The following SLIT3 variants were observed in gnomAD, a reference collection of about 807,000 sequenced individuals.
The protein encoded by SLIT3 is slit guidance ligand 3.
SLIT3 carries 68 observed loss-of-function variants against 184.0 expected under a neutral mutation model. The ratio of observed to expected loss-of-function variants is 0.37; its 90% CI spans 0.30 to 0.45. The LOEUF is 0.45. SLIT3 is among the 20% of genes least tolerant of loss of function. The pLI, the probability that SLIT3 is intolerant of heterozygous loss-of-function variation, is 1.00. For missense variants in SLIT3, 1,707 were observed against 2,026.0 expected, an observed-to-expected ratio of 0.84 and a Z score of 3.02; for synonymous variants, 831 against 828.6, an observed-to-expected ratio of 1.00 and a Z score of -0.05.
intron 4 of SLIT3, among the ~76,000 whole-genome samples, chr5:169,095,223 C>T (rs1475277414): frequency 6.6e-6 from 1 of 152,210 alleles, no homozygotes; most frequent in Non-Finnish European, 1.5e-5. Flanking sequence ...AACTACTGAT[C>T]ATCCCGGGAA....
chr5:168,793,451 T>C (rs145028230), intron 10 of SLIT3, among the ~76,000 whole-genome samples: 2 of 152,256 alleles, frequency 1.3e-5, no homozygotes, highest in Non-Finnish European at 2.9e-5. Flanking sequence ...GTTCCATTAG[T>C]CGAACATTTT....
intron 4 of SLIT3, among the ~76,000 whole-genome samples, chr5:168,930,519 C>T (rs141425668): frequency 1.1e-4 from 16 of 152,184 alleles, no homozygotes; most frequent in African/African-American, 2.9e-4. Flanking sequence ...GTTTCCTCAT[C>T]GGGGCAGTAG....
intron 26 of SLIT3, among the ~76,000 whole-genome samples, chr5:168,701,871 G>A (rs916556548): frequency 6.6e-6 from 1 of 152,206 alleles, no homozygotes; most frequent in African/African-American, 2.4e-5. Flanking sequence ...CTCTTCTGCT[G>A]TTGCTGGTGA....
At chr5:169,069,959 T>C (rs1050830418) in intron 4 of SLIT3, among the ~76,000 whole-genome samples, 2 of 152,126 alleles carry the variant, frequency 1.3e-5, no homozygotes, top group African/African-American at 4.8e-5. Context: ...TTCAGAAAGG[T>C]TACTCCACGT....
chr5:169,276,116 C>T (rs1766795628), intron 1 of SLIT3, among the ~76,000 whole-genome samples: 1 of 152,124 alleles, frequency 6.6e-6, no homozygotes, highest in African/African-American at 2.4e-5. Flanking sequence ...TTGAACGCTA[C>T]ACGAAATTCA....
At chr5:168,775,151 G>T (rs1055088426) in intron 12 of SLIT3, among the ~76,000 whole-genome samples, 2 of 151,790 alleles carry the variant, frequency 1.3e-5, no homozygotes, top group East Asian at 3.9e-4. Context: ...AATTCTCCTG[G>T]CTCAGGCTCC....
chr5:168,823,193 G>A (rs897901818), intron 7 of SLIT3, 67 bp downstream of exon 7: 22 of 1,197,652 alleles, frequency 1.8e-5, no homozygotes, highest in South Asian at 2.4e-5. Flanking sequence ...GACAAGCAGC[G>A]TAGAGTGCTG....
At chr5:168,896,516 A>G (rs934820015) in intron 4 of SLIT3, among the ~76,000 whole-genome samples, 12 of 152,018 alleles carry the variant, frequency 7.9e-5, no homozygotes, top group African/African-American at 2.9e-4. Context: ...TAAAGCAGCA[A>G]CTCCAGGTCA....
At chr5:168,914,173 G>T (rs2113094510) in intron 4 of SLIT3, among the ~76,000 whole-genome samples, 1 of 152,348 alleles carries the variant, frequency 6.6e-6, no homozygotes, top group South Asian at 2.1e-4. Flanking sequence ...TTTTAGAAAA[G>T]TTCCTAGCAG....
At chr5:169,036,635 T>C (rs919985769) in intron 4 of SLIT3, among the ~76,000 whole-genome samples, 7 of 151,122 alleles carry the variant, frequency 4.6e-5, no homozygotes, top group African/African-American at 1.7e-4. Flanking sequence ...AACTCTATCC[T>C]CAGCCCTCTC....
intron 4 of SLIT3, among the ~76,000 whole-genome samples, chr5:168,962,753 A>C (rs906680380): frequency 1.0e-4 from 14 of 137,400 alleles, no homozygotes; most frequent in Admixed American, 6.5e-4. Flanking sequence ...GAGGGATGAA[A>C]GGTGGGCGCA....
intron 23 of SLIT3, among the ~76,000 whole-genome samples, chr5:168,714,562 G>A (rs937886588): frequency 5.3e-5 from 8 of 152,076 alleles, no homozygotes; most frequent in African/African-American, 1.7e-4. Flanking sequence ...CAGCCTGGGC[G>A]ACAAGAGTGA....
chr5:169,114,448 AT>A, intron 4 of SLIT3, among the ~76,000 whole-genome samples: 1 of 152,288 alleles, frequency 6.6e-6, no homozygotes. Flanking sequence ...CCTCAACACT[AT>A]TCTACACTGT....
At chr5:169,199,045 C>A (rs1312263072) in intron 3 of SLIT3, among the ~76,000 whole-genome samples, 1 of 151,532 alleles carries the variant, frequency 6.6e-6, no homozygotes, top group Non-Finnish European at 1.5e-5. Context: ...TACATATACA[C>A]ATGTCTCCTG....
At chr5:168,815,194 C>G (rs906600932) in intron 8 of SLIT3, among the ~76,000 whole-genome samples, 2 of 152,236 alleles carry the variant, frequency 1.3e-5, no homozygotes, top group Non-Finnish European at 2.9e-5. Flanking sequence ...TCCCACGTAA[C>G]TACGAACCTG....
chr5:168,665,105 C>G lies in SLIT3; in HGVS notation c.*1349G>C, dbSNP rs1335104062. Reference sequence around the variant, plus strand: ...AATCTCAAGCTTTGGGTCTGGACTTCTGGTCTGGCTCCTCCACTTATCTGG... The same window carrying G: ...AATCTCAAGCTTTGGGTCTGGACTTGTGGTCTGGCTCCTCCACTTATCTGG... On this transcript the variant is annotated 3_prime_UTR_variant, in exon 36 of 36. Coordinates refer to ENST00000519560, the MANE Select transcript of SLIT3 (RefSeq NM_003062.4). 2 of 152,248 alleles carry G rather than the reference C, an allele frequency of 1.3e-5. No homozygotes were observed. The highest frequency in any genetic ancestry group is 2.4e-5 in the African/African-American group (1 of 41,442). The allele number at this position is 152,248 out of a possible 1,614,324, so 9.4% of individuals were successfully genotyped here. A position where few individuals can be genotyped will look rare whatever the true frequency, so the allele number is the denominator to read the frequency against.
At chr5:168,740,707 T>G (rs1763602610) in intron 20 of SLIT3, among the ~76,000 whole-genome samples, 2 of 152,216 alleles carry the variant, frequency 1.3e-5, no homozygotes, top group African/African-American at 4.8e-5. Flanking sequence ...TCGGTGCACT[T>G]TGGAAGCCAT....
At chr5:168,924,804 C>T (rs566576277) in intron 4 of SLIT3, among the ~76,000 whole-genome samples, 1 of 152,298 alleles carries the variant, frequency 6.6e-6, no homozygotes, top group East Asian at 1.9e-4. Flanking sequence ...TGAGCCACCG[C>T]ACCCAGCTGC....
intron 1 of SLIT3, among the ~76,000 whole-genome samples, chr5:169,276,308 A>G (rs976652093): frequency 3.9e-5 from 6 of 152,078 alleles, no homozygotes; most frequent in African/African-American, 1.2e-4. Context: ...AGACCTGTAG[A>G]CCCATAATGT....
Sources: allele counts gnomAD v4.1 joint callset (sites outside exome capture counted in the v4.1 genomes callset), GRCh38; gene constraint gnomAD v4.1.1; transcripts MANE v1.5; gene names NCBI Gene and HGNC (gene_info 2026-07-23, HGNC 2026-07-21).